EYS: variants seen among roughly 807,000 people sequenced by gnomAD.
EYS encodes protein eyes shut homolog.
A neutral mutation model predicts 282.1 loss-of-function variants in EYS; 250 were observed. That is an observed-to-expected ratio of 0.89 (90% CI 0.80 to 0.98). EYS has a LOEUF of 0.98. Ranked by LOEUF, EYS falls within the 50% of genes least tolerant of loss-of-function variation. EYS has a pLI of 0.00. For missense variants in EYS, 4,016 were observed against 3,709.0 expected, an observed-to-expected ratio of 1.08 and a Z score of -2.15; for synonymous variants, 1,355 against 1,282.9, an observed-to-expected ratio of 1.06 and a Z score of -1.20.
chr6:63,994,075 A>C (rs1021909737), intron 34 of EYS, among the ~76,000 whole-genome samples: 4 of 152,004 alleles, frequency 2.6e-5, no homozygotes, highest in African/African-American at 7.2e-5. Context: ...AAAACTGGCT[A>C]TTCACATGCA....
At chr6:63,895,798 C>T (rs750957298) in intron 35 of EYS, among the ~76,000 whole-genome samples, 36 of 152,120 alleles carry the variant, frequency 2.4e-4, no homozygotes, top group African/African-American at 7.7e-4. Flanking sequence ...CCCACCCACA[C>T]GTCTGTCCTT....
intron 29 of EYS, among the ~76,000 whole-genome samples, chr6:64,386,139 T>C (rs1335937630): frequency 2.0e-5 from 3 of 152,188 alleles, no homozygotes; most frequent in Non-Finnish European, 1.5e-5. Flanking sequence ...ATTCCACTAA[T>C]AGGAATGATA....
chr6:65,534,231 G>A (rs988475536), intron 2 of EYS, among the ~76,000 whole-genome samples: 6 of 152,062 alleles, frequency 3.9e-5, no homozygotes, highest in Non-Finnish European at 7.4e-5. Flanking sequence ...ATGATGCTGC[G>A]TGCTATCTAG....
rs373930363 is a variant in EYS at position 65,008,001 on chromosome 6, T to C, written c.2138-10298A>G. Among the ~76,000 whole-genome samples the C allele has an allele frequency of 3.9e-5, 6 of 152,050 alleles. No individual in the cohort carries two copies. In the East Asian group the frequency reaches 5.8e-4, roughly 15 times the overall value. On this transcript the variant is annotated intron_variant, in intron 13 of 42. Coordinates refer to ENST00000503581, the MANE Select transcript of EYS (RefSeq NM_001142800.2). ...AGTTTGGTGATCTCTGGTATATCAG[T>C]CAGGTCAATGATAGGATGACAACAG...
Position 65,383,116 on chromosome 6 carries a change from C to T in EYS, c.1299+1270G>A, listed in dbSNP as rs185637013. On this transcript the variant is annotated intron_variant, in intron 8 of 42. Transcript: ENST00000503581. ...CGTTTCATATCAGTTTTATAATCAGCTTACCCATTTCTACAAAACATTTGT... is the reference window on the plus strand; with the variant it reads ...CGTTTCATATCAGTTTTATAATCAGTTTACCCATTTCTACAAAACATTTGT... Among the ~76,000 whole-genome samples, 74 of 152,084 alleles carry T rather than the reference C, an allele frequency of 4.9e-4. 1 individual carries two copies. The highest frequency in any genetic ancestry group is 4.6e-3 in the Admixed American group (70 of 15,236).
At chr6:65,295,751 C>T in intron 12 of EYS, 112 bp downstream of exon 12, 1 of 955,566 alleles carries the variant, frequency 1.0e-6, no homozygotes. Context: ...AGAAATGAGA[C>T]AACAATACCA....
intron 26 of EYS, among the ~76,000 whole-genome samples, chr6:64,563,496 T>C (rs1287690937): frequency 6.6e-6 from 1 of 152,076 alleles, no homozygotes; most frequent in Non-Finnish European, 1.5e-5. Flanking sequence ...ATTCTCACAA[T>C]CTTATTACTA....
intron 30 of EYS, among the ~76,000 whole-genome samples, chr6:64,274,702 A>G (rs775794716): frequency 2.2e-4 from 33 of 151,898 alleles, no homozygotes; most frequent in Admixed American, 5.9e-4. Flanking sequence ...TGTCACTCCT[A>G]CTTATATTGT....
intron 31 of EYS, among the ~76,000 whole-genome samples, chr6:64,085,493 G>T (rs1206426511): frequency 6.6e-6 from 1 of 152,038 alleles, no homozygotes; most frequent in African/African-American, 2.4e-5. Context: ...AGAGGGTGGG[G>T]AGTGAAGTCC....
intron 8 of EYS, among the ~76,000 whole-genome samples, chr6:65,357,584 T>C (rs1320448394): frequency 6.6e-6 from 1 of 152,012 alleles, no homozygotes. Context: ...AGATTTCCAG[T>C]TGATATTCCT....
At chr6:64,196,107 A>G (rs1765279493) in intron 31 of EYS, among the ~76,000 whole-genome samples, 1 of 152,262 alleles carries the variant, frequency 6.6e-6, no homozygotes, top group African/African-American at 2.4e-5. Context: ...ACTTCTCAAA[A>G]GAAGACATTT....
chr6:63,984,515 CA>C lies in EYS; in HGVS notation c.6922del (p.Cys2308AlafsTer3). 6.5e-7 allele frequency: 1 copy of C among 1,549,506 alleles called. No individual in the cohort carries two copies. Among genetic ancestry groups the C allele is most frequent in the Non-Finnish European group, 8.7e-7 (1 of 1,145,436 alleles). ...KAGPVYGFRG[C>X]ILDLQVNNKE... is the part of the protein sequence containing the mutation. Reference sequence around the variant, plus strand: ...GTTGTTTACTTGAAGGTCTAGAATGCAGCCCCTGAACCCATAAACAGGACCT... The same window carrying C: ...GTTGTTTACTTGAAGGTCTAGAATGCGCCCCTGAACCCATAAACAGGACCT... On this transcript the variant is annotated frameshift_variant, in exon 35 of 43. Transcript: ENST00000503581. LOFTEE classifies it high-confidence loss of function.
Position 64,436,170 on chromosome 6 carries a change from T to A in EYS, c.5927+4A>T. 6.8e-7 allele frequency: 1 copy of A among 1,468,694 alleles called. No individual in the cohort carries two copies. Among genetic ancestry groups the A allele is most frequent in the Admixed American group, 2.2e-5 (1 of 46,066 alleles). The allele number at this position is 1,468,694 out of a possible 1,614,324, so 91.0% of individuals were successfully genotyped here. A position where few individuals can be genotyped will look rare whatever the true frequency, so the allele number is the denominator to read the frequency against. ...ATTAACTGGAAAAGAAATAATTATC[T>A]TACCTGATAAGCAGTGTATACTTTT... On this transcript the variant is annotated splice_donor_region_variant and intron_variant, in intron 28 of 42. Coordinates refer to ENST00000503581, the MANE Select transcript of EYS (RefSeq NM_001142800.2).
intron 22 of EYS, among the ~76,000 whole-genome samples, chr6:64,768,908 G>GC (rs1773437487): frequency 6.6e-6 from 1 of 152,098 alleles, no homozygotes; most frequent in African/African-American, 2.4e-5. Context: ...ACAAGGAAGA[G>GC]CCTACATATC....
intron 33 of EYS, among the ~76,000 whole-genome samples, chr6:64,051,112 G>T (rs1175572519): frequency 6.6e-6 from 1 of 152,132 alleles, no homozygotes; most frequent in Non-Finnish European, 1.5e-5. Flanking sequence ...TTGAAAATGG[G>T]TTAGGAGCTG....
At chr6:64,337,609 A>C (rs1770903850) in intron 29 of EYS, among the ~76,000 whole-genome samples, 1 of 151,988 alleles carries the variant, frequency 6.6e-6, no homozygotes, top group Non-Finnish European at 1.5e-5. Flanking sequence ...GAAAGAGGGA[A>C]CCCTCCCTAA....
intron 1 of EYS, among the ~76,000 whole-genome samples, chr6:65,642,643 T>C (rs1187063459): frequency 6.6e-6 from 1 of 152,206 alleles, no homozygotes; most frequent in African/African-American, 2.4e-5. Flanking sequence ...TAACTATAGA[T>C]AGGTCAATAC....
Position 65,478,086 on chromosome 6 carries a change from A to C in EYS, c.862+12508T>G, listed in dbSNP as rs1056623500. Among the ~76,000 whole-genome samples the C allele has an allele frequency of 1.9e-4, 29 of 152,164 alleles. 1 individual carries two copies. The highest frequency in any genetic ancestry group is 5.1e-4 in the African/African-American group (21 of 41,466). On this transcript the variant is annotated intron_variant, in intron 5 of 42. Coordinates refer to ENST00000503581, the MANE Select transcript of EYS (RefSeq NM_001142800.2). ...AGGGCTGTAAATTTGAATCGATCAC[A>C]GGCTTTGCTGTCAAGAACTTTGCAA...
At chr6:64,900,142 A>T (rs1001034846) in intron 18 of EYS, among the ~76,000 whole-genome samples, 213 of 152,326 alleles carry the variant, frequency 1.4e-3, no homozygotes, top group African/African-American at 4.9e-3. Context: ...AGGATTCCCT[A>T]TTTAATAAAT....
Sources: gnomAD v4.1 joint callset for allele counts (sites outside exome capture counted in the v4.1 genomes callset) on GRCh38, gnomAD v4.1.1 for gene constraint, MANE v1.5 for transcripts, NCBI Gene and HGNC (gene_info 2026-07-23, HGNC 2026-07-21) for gene names.